The following TMEM163 variants were observed in gnomAD, a reference collection of about 807,000 sequenced individuals.
TMEM163 encodes the protein transmembrane protein 163.
In TMEM163, 17 loss-of-function variants were observed where a neutral mutation model predicts 29.3. That is an observed-to-expected ratio of 0.58 (90% CI 0.40 to 0.87). The LOEUF is 0.87. TMEM163 is among the 40% of genes least tolerant of loss of function. The probability of loss-of-function intolerance (pLI) is 0.00; values close to 1 mark genes in which losing one functional copy is unlikely to be tolerated. For synonymous variants in TMEM163, 157 were observed against 160.6 expected, an observed-to-expected ratio of 0.98 and a Z score of 0.17; for missense variants, 303 against 381.5, an observed-to-expected ratio of 0.79 and a Z score of 1.71.
intron 2 of TMEM163, among the ~76,000 whole-genome samples, chr2:134,659,894 T>G (rs1683709901): frequency 6.6e-6 from 1 of 151,644 alleles, no homozygotes. Context: ...CTACAACCAC[T>G]ATACTGCACT....
At chr2:134,551,351 G>A (rs1263468578) in intron 3 of TMEM163, among the ~76,000 whole-genome samples, 2 of 152,046 alleles carry the variant, frequency 1.3e-5, no homozygotes, top group African/African-American at 4.8e-5. Context: ...AAAAGAATCT[G>A]CAATGTCCCT....
rs1187988082 is a variant in TMEM163 at position 134,458,051 on chromosome 2, T to C, written c.790A>G (p.Ile264Val). The C allele has an allele frequency of 2.5e-6, 4 of 1,613,988 alleles. No homozygotes were observed. The highest frequency in any genetic ancestry group is 2.7e-5 in the African/African-American group (2 of 74,890). ...GSIGVLIGLTIFAYGVKLLID... is the reference protein window; with the variant it reads ...GSIGVLIGLTVFAYGVKLLID... ...ACCTACTTGACCCCATAGGCAAATATGGTGAGGCCGATCAGAACGCCTATG... is the reference window on the plus strand; with the variant it reads ...ACCTACTTGACCCCATAGGCAAATACGGTGAGGCCGATCAGAACGCCTATG... The change falls in exon 7 of 8, where the codon ATA becomes GTA. Residue 264 changes from isoleucine (I) to valine (V), a missense_variant. This residue lies in a region of TMEM163 where 203 missense variants were observed against 294.3 expected (regional missense o/e 0.69). Coordinates refer to ENST00000281924, the MANE Select transcript of TMEM163 (RefSeq NM_030923.5).
chr2:134,501,773 G>A (rs1246019646), intron 5 of TMEM163, among the ~76,000 whole-genome samples: 1 of 152,144 alleles, frequency 6.6e-6, no homozygotes, highest in Non-Finnish European at 1.5e-5. Flanking sequence ...ATTTGTTCGG[G>A]CTATCTCTGC....
At chr2:134,474,685 C>T (rs1288147130) in intron 5 of TMEM163, among the ~76,000 whole-genome samples, 1 of 151,994 alleles carries the variant, frequency 6.6e-6, no homozygotes, top group Non-Finnish European at 1.5e-5. Flanking sequence ...GACCACATAC[C>T]AAGTTAGCAA....
chr2:134,671,845 ACCT>A (rs772979857), intron 2 of TMEM163, among the ~76,000 whole-genome samples: 1 of 152,026 alleles, frequency 6.6e-6, no homozygotes, highest in Non-Finnish European at 1.5e-5. Flanking sequence ...AAACTTCTCA[ACCT>A]CTCTGGAACT....
At chr2:134,690,607 A>G (rs1222412283) in intron 2 of TMEM163, among the ~76,000 whole-genome samples, 1 of 152,224 alleles carries the variant, frequency 6.6e-6, no homozygotes, top group Non-Finnish European at 1.5e-5. Context: ...TATAAAGGAG[A>G]AAAGTCACAA....
chr2:134,542,745 G>A (rs770797489), intron 4 of TMEM163, among the ~76,000 whole-genome samples: 11 of 152,080 alleles, frequency 7.2e-5, no homozygotes, highest in African/African-American at 2.7e-4. Context: ...GAAATGTATC[G>A]TCCCACAGTT....
At chr2:134,557,849 G>T (rs994564402) in intron 2 of TMEM163, among the ~76,000 whole-genome samples, 4 of 152,106 alleles carry the variant, frequency 2.6e-5, no homozygotes, top group African/African-American at 7.2e-5. Flanking sequence ...AATCTTTGTA[G>T]CTATCTTATT....
chr2:134,649,765 G>C (rs1272844342), intron 2 of TMEM163, among the ~76,000 whole-genome samples: 1 of 151,994 alleles, frequency 6.6e-6, no homozygotes, highest in Non-Finnish European at 1.5e-5. Flanking sequence ...CTGTATTCCA[G>C]AATTTTGGGA....
chr2:134,599,014 T>C (rs1574269437), intron 2 of TMEM163, among the ~76,000 whole-genome samples: 1 of 124,342 alleles, frequency 8.0e-6, no homozygotes, highest in East Asian at 2.5e-4. Context: ...GCCATTCCGT[T>C]AAAAAAAAAA....
At chr2:134,674,486 G>GGCGCGCGC (rs752979552) in intron 2 of TMEM163, among the ~76,000 whole-genome samples, 269 of 91,560 alleles carry the variant, frequency 2.9e-3, no homozygotes, top group African/African-American at 9.5e-3. Context: ...TGGGACTACA[G>GGCGCGCGC]GCGCGCGCGC....
At chr2:134,574,959 C>T (rs911629899) in intron 2 of TMEM163, among the ~76,000 whole-genome samples, 1 of 148,408 alleles carries the variant, frequency 6.7e-6, no homozygotes, top group African/African-American at 2.5e-5. Context: ...CTAAGGTCCC[C>T]GTGGTGTAGC....
intron 2 of TMEM163, among the ~76,000 whole-genome samples, chr2:134,562,159 C>A (rs1032529501): frequency 3.9e-5 from 6 of 152,148 alleles, no homozygotes; most frequent in African/African-American, 1.4e-4. Context: ...GGCTTGGTGT[C>A]TTTTTGGGCC....
chr2:134,478,380 A>G (rs1204929897), intron 5 of TMEM163, among the ~76,000 whole-genome samples: 2 of 152,210 alleles, frequency 1.3e-5, no homozygotes, highest in East Asian at 3.9e-4. Context: ...AGACTGTTAA[A>G]TAGTTGTGAC....
At chr2:134,624,773 G>A (rs1464457456) in intron 2 of TMEM163, among the ~76,000 whole-genome samples, 1 of 151,998 alleles carries the variant, frequency 6.6e-6, no homozygotes, top group Non-Finnish European at 1.5e-5. Flanking sequence ...GCCAGGCATG[G>A]TGGCATGAGC....
At chr2:134,646,325 T>G (rs1391993326) in intron 2 of TMEM163, among the ~76,000 whole-genome samples, 3 of 152,202 alleles carry the variant, frequency 2.0e-5, no homozygotes, top group Non-Finnish European at 2.9e-5. Flanking sequence ...CTTCAGGTGA[T>G]CCACCCGCCT....
At chr2:134,579,062 G>A (rs1377266722) in intron 2 of TMEM163, among the ~76,000 whole-genome samples, 3 of 152,160 alleles carry the variant, frequency 2.0e-5, no homozygotes, top group East Asian at 3.9e-4. Flanking sequence ...GCTGGATGGC[G>A]TCAGGCCCTC....
intron 2 of TMEM163, among the ~76,000 whole-genome samples, chr2:134,588,591 C>T (rs974296594): frequency 3.3e-5 from 5 of 152,104 alleles, no homozygotes; most frequent in African/African-American, 1.2e-4. Flanking sequence ...AGACTCTCTC[C>T]AGAGGGACAG....
intron 5 of TMEM163, among the ~76,000 whole-genome samples, chr2:134,471,741 C>G (rs955917836): frequency 2.0e-5 from 3 of 152,172 alleles, no homozygotes; most frequent in Non-Finnish European, 1.5e-5. Flanking sequence ...GCGGCCGCAC[C>G]TACCATGCCA....
Sources: allele counts gnomAD v4.1 joint callset (sites outside exome capture counted in the v4.1 genomes callset), GRCh38; gene constraint gnomAD v4.1.1; regional missense constraint gnomAD v4.1.1; transcripts MANE v1.5; gene names NCBI Gene and HGNC (gene_info 2026-07-23, HGNC 2026-07-21).